Variants in ASIC2 observed in about 807,000 individuals in gnomAD.
ASIC2 encodes the protein acid-sensing ion channel 2.
ASIC2 carries 25 observed loss-of-function variants against 57.3 expected under a neutral mutation model. That is an observed-to-expected ratio of 0.44 (90% CI 0.32 to 0.61). The LOEUF (loss-of-function observed/expected upper bound fraction) is 0.61, where lower values mean the gene tolerates loss of function less well. ASIC2 is among the 20% of genes least tolerant of loss of function. The pLI is 0.06. For missense variants in ASIC2, 641 were observed against 738.1 expected (o/e 0.87, Z 1.52); for synonymous variants, 319 against 307.5 (o/e 1.04, Z -0.39).
intron 5 of ASIC2, among the ~76,000 whole-genome samples, chr17:33,025,355 G>A (rs928323261): frequency 6.6e-6 from 1 of 152,240 alleles, no homozygotes; most frequent in African/African-American, 2.4e-5. Flanking sequence ...CAGACCCCCC[G>A]CAGGCCCCTC....
intron 1 of ASIC2, among the ~76,000 whole-genome samples, chr17:33,616,433 G>A (rs1450425993): frequency 6.6e-6 from 1 of 152,196 alleles, no homozygotes; most frequent in Non-Finnish European, 1.5e-5. Flanking sequence ...GTTTCCAAAT[G>A]TGAATCTTGG....
intron 1 of ASIC2, among the ~76,000 whole-genome samples, chr17:33,600,457 T>C (rs1179030791): frequency 6.6e-6 from 1 of 152,178 alleles, no homozygotes; most frequent in Non-Finnish European, 1.5e-5. Flanking sequence ...CACAGAAAAT[T>C]GGTATTAAGA....
chr17:33,139,670 C>G (rs926481917), intron 1 of ASIC2, among the ~76,000 whole-genome samples: 1 of 152,128 alleles, frequency 6.6e-6, no homozygotes, highest in Admixed American at 6.5e-5. Flanking sequence ...GCAGCATGTC[C>G]CCTCCTGCTG....
In ASIC2 at chr17:33,263,754, G is replaced by T. The variant is rs556663883; in HGVS notation, c.708+27654C>A. On this transcript the variant is annotated intron_variant, in intron 1 of 9. Transcript: ENST00000225823. ...ACAGATCTGGGCATATGAAAGGGGG[G>T]CCCACCCGCTGCAGAGCTTGGTCTT... is the stretch of plus-strand genomic sequence containing the variant. Among the ~76,000 whole-genome samples the T allele has an allele frequency of 2.0e-5, 3 of 152,178 alleles. No homozygotes were observed. The South Asian group carries it at 6.2e-4, about 32-fold the overall frequency.
rs562056917 is a variant in ASIC2, at chr17:33,085,237, T to C, written c.987+3626A>G. On this transcript the variant is annotated intron_variant, in intron 3 of 9. Transcript: ENST00000225823. ...CCAAAGCAGCAGAATCTTGGATTGA[T>C]AGCAACGTAGCTGCCACATTTTATG... Among the ~76,000 whole-genome samples the C allele has an allele frequency of 5.4e-4, 83 of 152,342 alleles. 1 individual carries two copies. In the South Asian group the frequency reaches 0.017, roughly 31 times the overall value.
intron 1 of ASIC2, among the ~76,000 whole-genome samples, chr17:33,350,715 T>G (rs894053824): frequency 1.7e-4 from 17 of 97,968 alleles, no homozygotes; most frequent in Admixed American, 1.2e-3. Flanking sequence ...AAGAAAGAAA[T>G]ATTTAACCAC....
chr17:33,291,037 A>G (rs1231566521), intron 1 of ASIC2: 2 of 236,310 alleles, frequency 8.5e-6, no homozygotes, highest in Non-Finnish European at 1.6e-5. Flanking sequence ...AGAGATCTAC[A>G]CTCCAAACAC....
chr17:33,039,591 A>G (rs980350215), intron 3 of ASIC2, among the ~76,000 whole-genome samples: 5 of 152,202 alleles, frequency 3.3e-5, no homozygotes, highest in African/African-American at 7.2e-5. Flanking sequence ...ATGTTAAAGT[A>G]TGTGTAACCC....
chr17:33,571,286 C>T (rs747176886), intron 1 of ASIC2, among the ~76,000 whole-genome samples: 1 of 152,162 alleles, frequency 6.6e-6, no homozygotes, highest in Non-Finnish European at 1.5e-5. Context: ...ATCATCCTGT[C>T]GCATATTTTT....
chr17:33,462,959 C>A (rs760164405), intron 1 of ASIC2, among the ~76,000 whole-genome samples: 1 of 152,212 alleles, frequency 6.6e-6, no homozygotes, highest in Non-Finnish European at 1.5e-5. Flanking sequence ...GTCCCTCCCA[C>A]TTACTTCCTG....
intron 1 of ASIC2, among the ~76,000 whole-genome samples, chr17:33,519,055 C>T (rs1269027308): frequency 6.6e-5 from 10 of 152,116 alleles, no homozygotes; most frequent in African/African-American, 9.6e-5. Context: ...CTCCTGACCT[C>T]GTGATCCGCC....
intron 1 of ASIC2, among the ~76,000 whole-genome samples, chr17:33,513,384 A>G (rs1959251755): frequency 1.3e-5 from 2 of 152,264 alleles, no homozygotes; most frequent in South Asian, 4.1e-4. Flanking sequence ...GCTGTGTCCC[A>G]TAGGCTTTGA....
At chr17:33,353,711 T>C (rs566044075) in intron 1 of ASIC2, among the ~76,000 whole-genome samples, 1 of 152,278 alleles carries the variant, frequency 6.6e-6, no homozygotes, top group South Asian at 2.1e-4. Context: ...AGGAGTGACC[T>C]CTTCTTCCTA....
chr17:33,330,620 G>T (rs1211853613), intron 1 of ASIC2, among the ~76,000 whole-genome samples: 4 of 152,102 alleles, frequency 2.6e-5, no homozygotes, highest in Non-Finnish European at 5.9e-5. Context: ...CTGTCTCTAC[G>T]ACTCTAAGTC....
At chr17:34,123,747 G>T (rs1348513322) in intron 1 of ASIC2, among the ~76,000 whole-genome samples, 1 of 152,294 alleles carries the variant, frequency 6.6e-6, no homozygotes, top group Non-Finnish European at 1.5e-5. Context: ...CTTTACTGAA[G>T]GCTTGACCTG....
chr17:33,496,837 C>T (rs1913951867), intron 1 of ASIC2, among the ~76,000 whole-genome samples: 1 of 152,038 alleles, frequency 6.6e-6, no homozygotes, highest in African/African-American at 2.4e-5. Context: ...AGGCTGGTCT[C>T]AAACTCCTGA....
chr17:33,398,485 C>G lies in ASIC2; in HGVS notation c.556-286418G>C, dbSNP rs372953504. Among the ~76,000 whole-genome samples, 4 of 151,966 alleles carry G rather than the reference C, an allele frequency of 2.6e-5. No individual in the cohort carries two copies. The South Asian group carries it at 8.3e-4, about 32-fold the overall frequency. On this transcript the variant is annotated intron_variant, in intron 1 of 9. Transcript: ENST00000359872. The stretch of plus-strand genomic sequence containing the variant: ...GGTAGCAGTCATTGTGGTTATGATG[C>G]TGACGATAATAGTAAAGGTGATTAT...
chr17:33,956,001 G>A (rs1044034076), intron 1 of ASIC2, among the ~76,000 whole-genome samples: 3 of 152,070 alleles, frequency 2.0e-5, no homozygotes, highest in Admixed American at 6.6e-5. Context: ...CAAGCTGAGG[G>A]CCCATCATTA....
chr17:33,824,367 C>A (rs994515730), intron 1 of ASIC2, among the ~76,000 whole-genome samples: 2 of 151,886 alleles, frequency 1.3e-5, no homozygotes, highest in African/African-American at 4.8e-5. Context: ...CAGATATTAG[C>A]AGGTGTCTGT....
Sources: allele counts gnomAD v4.1 joint callset (sites outside exome capture counted in the v4.1 genomes callset), GRCh38; gene constraint gnomAD v4.1.1; transcripts MANE v1.5; gene names NCBI Gene and HGNC (gene_info 2026-07-23, HGNC 2026-07-21).